LRCH3: variants seen among roughly 807,000 people sequenced by gnomAD.
LRCH3 encodes DISP complex protein LRCH3.
A neutral mutation model predicts 104.5 loss-of-function variants in LRCH3; 68 were observed. That is an observed-to-expected ratio of 0.65 (90% CI 0.54 to 0.80). The LOEUF (loss-of-function observed/expected upper bound fraction) is 0.80, where lower values mean the gene tolerates loss of function less well. Among genes scored for constraint, LRCH3 ranks in the 30% least tolerant of loss-of-function variants. LRCH3 has a pLI of 0.00. For missense variants in LRCH3, 951 were observed against 953.9 expected (o/e 1.00, Z 0.04); for synonymous variants, 344 against 361.3 (o/e 0.95, Z 0.54).
intron 1 of LRCH3, among the ~76,000 whole-genome samples, chr3:197,814,262 A>G (rs1733558919): frequency 6.6e-6 from 1 of 152,174 alleles, no homozygotes. Flanking sequence ...AAAAGTGGAA[A>G]CCCCTGATAA....
chr3:197,813,894 C>G (rs757794623), intron 1 of LRCH3, among the ~76,000 whole-genome samples: 1 of 152,076 alleles, frequency 6.6e-6, no homozygotes, highest in African/African-American at 2.4e-5. Flanking sequence ...AATTCTAGAT[C>G]CATTAATTCA....
chr3:197,791,311 G>C lies in LRCH3; in HGVS notation c.33G>C (p.Ala11=). Residue 11 remains alanine, a synonymous_variant, in exon 1 of 21, where the codon GCG becomes GCC. Transcript: ENST00000425562. MAAAGLVAVA[A]AAEYSGTVAS... is the part of the protein sequence containing the mutation. The stretch of plus-strand genomic sequence containing the variant: ...CCGCGGGCTTGGTCGCTGTGGCAGC[G>C]GCTGCCGAGTACTCTGGCACGGTAG... 2 of 1,609,244 alleles carry C rather than the reference G, an allele frequency of 1.2e-6. No individual in the cohort carries two copies. The highest frequency in any genetic ancestry group is 1.7e-6 in the Non-Finnish European group (2 of 1,178,832).
At chr3:197,866,305 G>A in intron 17 of LRCH3, 86 bp downstream of exon 17, 1 of 909,720 alleles carries the variant, frequency 1.1e-6, no homozygotes. Context: ...TTAAACTTCT[G>A]CATATAGTAT....
intron 15 of LRCH3, among the ~76,000 whole-genome samples, chr3:197,864,091 AG>A (rs1415861344): frequency 6.6e-6 from 1 of 151,540 alleles, no homozygotes; most frequent in African/African-American, 2.4e-5. Flanking sequence ...GGATCACCTG[AG>A]GGTCGGGAGT....
intron 8 of LRCH3, among the ~76,000 whole-genome samples, chr3:197,833,761 G>A (rs983848474): frequency 3.9e-5 from 6 of 152,022 alleles, no homozygotes; most frequent in East Asian, 3.8e-4. Flanking sequence ...AATTTCAAAC[G>A]ACATATGTGG....
intron 4 of LRCH3, among the ~76,000 whole-genome samples, chr3:197,820,745 G>C (rs1734400961): frequency 6.6e-6 from 1 of 152,134 alleles, no homozygotes; most frequent in South Asian, 2.1e-4. Flanking sequence ...GGAGGCCAAG[G>C]CTGCAGTGAG....
chr3:197,807,038 CAAA>C (rs56019320), intron 1 of LRCH3, among the ~76,000 whole-genome samples: 5 of 143,970 alleles, frequency 3.5e-5, no homozygotes, highest in Middle Eastern at 3.5e-3. Flanking sequence ...GACCCTGTGT[CAAA>C]AAAAAAAAAC....
rs376877150 is a variant in LRCH3 at position 197,882,502 on chromosome 3, C to T, written c.2209-1039C>T. 58 of 924,954 alleles carry T rather than the reference C, an allele frequency of 6.3e-5. No individual in the cohort carries two copies. The African/African-American group carries it at 6.5e-4, about 10-fold the overall frequency. The allele number at this position is 924,954 out of a possible 1,614,324, so 57.3% of individuals were successfully genotyped here. On this transcript the variant is annotated intron_variant, in intron 20 of 20. Transcript: ENST00000425562. ...GTTTTATAAAATTTCCTAGTAATATCGTCTCAATGAAAAGCAAAACAAAAA... is the reference window on the plus strand; with the variant it reads ...GTTTTATAAAATTTCCTAGTAATATTGTCTCAATGAAAAGCAAAACAAAAA...
intron 19 of LRCH3, among the ~76,000 whole-genome samples, chr3:197,872,937 C>T (rs949284263): frequency 2.6e-5 from 4 of 152,126 alleles, no homozygotes; most frequent in Admixed American, 6.5e-5. Context: ...GATAACAAGC[C>T]GGGACTAAAG....
At chr3:197,880,093 C>G (rs550798606) in intron 20 of LRCH3, among the ~76,000 whole-genome samples, 153 of 151,094 alleles carry the variant, frequency 1.0e-3, no homozygotes, top group South Asian at 1.0e-3. Context: ...CTACAGGCGC[C>G]CGCCACCACG....
At chr3:197,791,640 C>A (rs1047181136) in intron 1 of LRCH3, 100 bp downstream of exon 1, 1 of 1,338,662 alleles carries the variant, frequency 7.5e-7, no homozygotes, top group Non-Finnish European at 9.8e-7. Context: ...CAGCTCGTCC[C>A]GTAGGCGCCG....
At chr3:197,812,810 C>T (rs1733335711) in intron 1 of LRCH3, among the ~76,000 whole-genome samples, 1 of 152,130 alleles carries the variant, frequency 6.6e-6, no homozygotes, top group African/African-American at 2.4e-5. Flanking sequence ...GATCCACCCA[C>T]CTCGGCCTGT....
At chr3:197,801,471 T>C (rs1048128042) in intron 1 of LRCH3, among the ~76,000 whole-genome samples, 1 of 152,214 alleles carries the variant, frequency 6.6e-6, no homozygotes, top group Admixed American at 6.5e-5. Flanking sequence ...TTTATTCACT[T>C]TTCTTCATTT....
At chr3:197,862,175 T>C (rs1740960606) in intron 15 of LRCH3, among the ~76,000 whole-genome samples, 1 of 152,156 alleles carries the variant, frequency 6.6e-6, no homozygotes, top group Non-Finnish European at 1.5e-5. Flanking sequence ...TTTGTATTTT[T>C]AGTAGAGATG....
intron 14 of LRCH3, among the ~76,000 whole-genome samples, chr3:197,858,332 T>G (rs560663673): frequency 6.6e-6 from 1 of 152,298 alleles, no homozygotes; most frequent in Admixed American, 6.5e-5. Context: ...TCCCCTCTTA[T>G]AGTCATTAGG....
At chr3:197,793,211 TTAAAC>T (rs1448456661) in intron 1 of LRCH3, among the ~76,000 whole-genome samples, 2 of 152,356 alleles carry the variant, frequency 1.3e-5, no homozygotes, top group Non-Finnish European at 2.9e-5. Context: ...AACAGAACTG[TTAAAC>T]TAAAGAAGCG....
At chr3:197,861,783 C>G (rs1740913559) in intron 15 of LRCH3, among the ~76,000 whole-genome samples, 1 of 151,288 alleles carries the variant, frequency 6.6e-6, no homozygotes, top group South Asian at 2.1e-4. Context: ...ATTTCTTAAC[C>G]TTTTTTTTGC....
intron 15 of LRCH3, among the ~76,000 whole-genome samples, chr3:197,864,406 G>A (rs1379143153): frequency 6.7e-6 from 1 of 150,070 alleles, no homozygotes; most frequent in Non-Finnish European, 1.5e-5. Flanking sequence ...TTGGGAGTTC[G>A]AGAACGGCCT....
intron 12 of LRCH3, 71 bp downstream of exon 12, chr3:197,848,092 G>C (rs1739022566): frequency 6.7e-7 from 1 of 1,501,110 alleles, no homozygotes; most frequent in African/African-American, 1.4e-5. Flanking sequence ...CAGGCCCGTT[G>C]GTTTTTATTG....
Sources: allele counts gnomAD v4.1 joint callset (sites outside exome capture counted in the v4.1 genomes callset), GRCh38; gene constraint gnomAD v4.1.1; transcripts MANE v1.5; gene names NCBI Gene and HGNC (gene_info 2026-07-23, HGNC 2026-07-21).